Variants in PRKACB observed in about 807,000 individuals in gnomAD.
PRKACB encodes protein kinase cAMP-activated catalytic subunit beta.
In PRKACB, 16 loss-of-function variants were observed where a neutral mutation model predicts 51.4. The observed-to-expected ratio is 0.31, with a 90% confidence interval of 0.21 to 0.47. PRKACB has a LOEUF of 0.47. Among genes scored for constraint, PRKACB ranks in the 20% least tolerant of loss-of-function variants. The probability of loss-of-function intolerance (pLI) is 1.00; values close to 1 mark genes in which losing one functional copy is unlikely to be tolerated. For missense variants in PRKACB, 309 were observed against 464.5 expected (o/e 0.67, Z 3.08); for synonymous variants, 147 against 154.4 (o/e 0.95, Z 0.35).
intron 1 of PRKACB, chr1:84,164,962 G>A: frequency 6.5e-7 from 1 of 1,541,510 alleles, no homozygotes; most frequent in Non-Finnish European, 8.8e-7. Context: ...TTTGCTGTTG[G>A]ATTGTTATTT....
chr1:84,173,994 A>C (rs1196264880), intron 1 of PRKACB, among the ~76,000 whole-genome samples: 1 of 151,724 alleles, frequency 6.6e-6, no homozygotes, highest in Non-Finnish European at 1.5e-5. Flanking sequence ...ATTTTATCCT[A>C]TTCCCCTCTC....
intron 9 of PRKACB, among the ~76,000 whole-genome samples, chr1:84,215,511 T>G (rs1423348872): frequency 6.6e-6 from 1 of 152,216 alleles, no homozygotes; most frequent in Non-Finnish European, 1.5e-5. Flanking sequence ...CTAAAGGGAT[T>G]CTTAGAGTTA....
Position 84,206,659 on chromosome 1 carries a change from T to A in PRKACB, c.906+3854T>A, listed in dbSNP as rs1211342869. Among the ~76,000 whole-genome samples the A allele has an allele frequency of 3.9e-5, 6 of 152,182 alleles. No homozygotes were observed. In the East Asian group the frequency reaches 1.2e-3, roughly 29 times the overall value. On this transcript the variant is annotated intron_variant, in intron 8 of 9. Coordinates refer to ENST00000370685, the MANE Select transcript of PRKACB (RefSeq NM_182948.4). ...AAGTTTTCATTGGGGGTTGGTCACA[T>A]ATGCACCCTCTGCCTAGCACATGCC...
intron 1 of PRKACB, among the ~76,000 whole-genome samples, chr1:84,137,400 C>T (rs527677570): frequency 3.3e-5 from 5 of 152,016 alleles, no homozygotes; most frequent in Non-Finnish European, 7.4e-5. Flanking sequence ...CAGGGAAACA[C>T]AAGGGATTAA....
At chr1:84,209,540 A>G (rs1416173491) in intron 8 of PRKACB, among the ~76,000 whole-genome samples, 1 of 152,138 alleles carries the variant, frequency 6.6e-6, no homozygotes, top group Non-Finnish European at 1.5e-5. Flanking sequence ...TTCTTACCAC[A>G]TCCACTGCTG....
At chr1:84,109,161 G>A (rs1247932322) in intron 1 of PRKACB, among the ~76,000 whole-genome samples, 1 of 151,932 alleles carries the variant, frequency 6.6e-6, no homozygotes, top group Non-Finnish European at 1.5e-5. Context: ...TTGATGGGAT[G>A]TGATGTTTCC....
At chr1:84,165,914 A>G (rs1051945984) in intron 1 of PRKACB, among the ~76,000 whole-genome samples, 4 of 151,790 alleles carry the variant, frequency 2.6e-5, no homozygotes, top group Non-Finnish European at 4.4e-5. Context: ...TAACAGTCCT[A>G]TAATTTGCAT....
intron 9 of PRKACB, among the ~76,000 whole-genome samples, chr1:84,233,135 C>T (rs1085739): frequency 0.55 from 82,663 of 151,546 alleles, 24,971 homozygotes; most frequent in Non-Finnish European, 0.69. Context: ...TCAACATTTG[C>T]TTGTCTGTAA....
At chr1:84,176,834 T>C (rs1471422577) in intron 1 of PRKACB, among the ~76,000 whole-genome samples, 1 of 151,986 alleles carries the variant, frequency 6.6e-6, no homozygotes, top group African/African-American at 2.4e-5. Context: ...CTCAGGAATA[T>C]TGATGAGTAC....
intron 8 of PRKACB, among the ~76,000 whole-genome samples, chr1:84,213,115 A>G (rs1199034405): frequency 1.3e-5 from 2 of 152,150 alleles, no homozygotes; most frequent in African/African-American, 2.4e-5. Flanking sequence ...ACAAAGTGCT[A>G]TGATCAATTT....
intron 1 of PRKACB, among the ~76,000 whole-genome samples, chr1:84,174,065 T>C (rs2100860121): frequency 6.6e-6 from 1 of 151,922 alleles, no homozygotes; most frequent in South Asian, 2.1e-4. Context: ...AACTGTGAAC[T>C]AACTCAGTTT....
At chr1:84,143,376 T>C (rs1653630682), upstream of PRKACB, among the ~76,000 whole-genome samples, 1 of 152,064 alleles carries the variant, frequency 6.6e-6, no homozygotes, top group Admixed American at 6.6e-5. Flanking sequence ...CGCTTGAACC[T>C]AGGAGCGGAG....
intron 1 of PRKACB, among the ~76,000 whole-genome samples, chr1:84,114,874 T>G (rs2100859073): frequency 6.6e-6 from 1 of 152,346 alleles, no homozygotes; most frequent in South Asian, 2.1e-4. Flanking sequence ...AGATTTCATT[T>G]TTTTATGGCC....
upstream of PRKACB, among the ~76,000 whole-genome samples, chr1:84,140,762 G>A (rs1306854717): frequency 6.6e-6 from 1 of 151,956 alleles, no homozygotes; most frequent in Non-Finnish European, 1.5e-5. Context: ...CTCTTATTTG[G>A]AAAATAACTG....
chr1:84,203,756 T>C (rs1181536690), intron 8 of PRKACB, among the ~76,000 whole-genome samples: 1 of 152,018 alleles, frequency 6.6e-6, no homozygotes, highest in Non-Finnish European at 1.5e-5. Flanking sequence ...AGAGCATCAA[T>C]CTTTATCACA....
chr1:84,132,571 G>A (rs576553179), intron 1 of PRKACB, among the ~76,000 whole-genome samples: 3 of 152,158 alleles, frequency 2.0e-5, no homozygotes, highest in Non-Finnish European at 2.9e-5. Context: ...ACAGATATGC[G>A]AATTATCAGC....
intron 1 of PRKACB, among the ~76,000 whole-genome samples, chr1:84,173,114 A>G (rs868830937): frequency 2.3e-3 from 352 of 151,832 alleles, no homozygotes; most frequent in African/African-American, 8.3e-3. Context: ...ATTTATTAAC[A>G]TATTTCCAGA....
At chr1:84,134,434 A>C (rs898468084) in intron 1 of PRKACB, among the ~76,000 whole-genome samples, 2 of 152,192 alleles carry the variant, frequency 1.3e-5, no homozygotes, top group Non-Finnish European at 1.5e-5. Context: ...GAATGACTGC[A>C]ATGTTAAAAG....
intron 1 of PRKACB, among the ~76,000 whole-genome samples, chr1:84,161,583 G>A (rs570071259): frequency 1.1e-4 from 16 of 150,768 alleles, no homozygotes; most frequent in Admixed American, 5.9e-4. Context: ...TAATTATTTG[G>A]TTTTGATTTT....
Sources: allele counts gnomAD v4.1 joint callset (sites outside exome capture counted in the v4.1 genomes callset), GRCh38; gene constraint gnomAD v4.1.1; transcripts MANE v1.5; gene names NCBI Gene and HGNC (gene_info 2026-07-23, HGNC 2026-07-21).